CHST5: variants seen among roughly 807,000 people sequenced by gnomAD.
CHST5 encodes the protein GST4-alpha.
For synonymous variants in CHST5, 313 were observed against 279.2 expected (o/e 1.12, Z -1.21); for missense variants, 637 against 602.1 (o/e 1.06, Z -0.61).
chr16:75,530,085 G>A lies in CHST5; in HGVS notation c.300C>T (p.Thr100=), dbSNP rs149979505. 19 of 1,613,430 alleles carry A rather than the reference G, an allele frequency of 1.2e-5. No homozygotes were observed. The African/African-American group carries it at 2.0e-4, about 17-fold the overall frequency. ...YLMEPAWHVW[T]TLSQGSAATL... ...TTGCCGCGCTGCCCTGCGACAGGGT[G>A]GTCCACACATGCCACGCGGGCTCCA... Residue 100 remains threonine, a synonymous_variant, in exon 4 of 4, where the codon ACC becomes ACT. Transcript: ENST00000336257.
chr16:75,529,241 G>A lies in CHST5; in HGVS notation c.1144C>T (p.Pro382Ser). ...AGALQLLGYR[P>S]VYSADQQRDL... ...CGCTGCTGGTCCGCAGAGTACACAG[G>A]CCGGTAGCCCAGCAGCTGCAGCGCG... The change falls in exon 4 of 4, where the codon CCT becomes TCT. Residue 382 changes from proline to serine, a missense_variant. By Grantham distance (74) the Pro-to-Ser change is moderately conservative (BLOSUM62 -1). Transcript: ENST00000336257. 1 of 1,613,088 alleles carries A rather than the reference G, an allele frequency of 6.2e-7. No homozygotes were observed. The highest frequency in any genetic ancestry group is 8.5e-7 in the Non-Finnish European group (1 of 1,179,940).
At chr16:75,533,550 A>G (rs1314071568) in intron 2 of CHST5, among the ~76,000 whole-genome samples, 1 of 152,136 alleles carries the variant, frequency 6.6e-6, no homozygotes, top group Non-Finnish European at 1.5e-5. Context: ...CTGGGGGCAC[A>G]TATTTATTAC....
Position 75,530,709 on chromosome 16 carries a change from T to C in CHST5, c.-325A>G, listed in dbSNP as rs1207993406. On this transcript the variant is annotated 5_prime_UTR_variant, in exon 4 of 4. Transcript: ENST00000336257. ...TACCTCTTAGAGAGACCCTTTTAGG[T>C]TGTGGAGCTAAAAGGGCTTGATGGG... The C allele has an allele frequency of 8.1e-6, 9 of 1,116,838 alleles. No individual in the cohort carries two copies. The African/African-American group carries it at 1.5e-4, about 18-fold the overall frequency. The allele number at this position is 1,116,838 out of a possible 1,614,324, so 69.2% of individuals were successfully genotyped here.
chr16:75,529,766 A>G lies in CHST5; in HGVS notation c.619T>C (p.Tyr207His). The G allele has an allele frequency of 6.2e-7, 1 of 1,613,636 alleles. No homozygotes were observed. Among genetic ancestry groups the G allele is most frequent in the Middle Eastern group, 1.6e-4 (1 of 6,062 alleles). Residue 207 changes from tyrosine (Y) to histidine (H), a missense_variant, in exon 4 of 4, where the codon TAC becomes CAC. Coordinates refer to ENST00000336257, the MANE Select transcript of CHST5 (RefSeq NM_024533.5). ...AGCGCGGGGTCGCTGAGCAGCGGGT[A>G]GAGCACCTGCAGGTTGAAGAAGCGC... ...EVRFFNLQVL[Y>H]PLLSDPALNL...
chr16:75,529,298 T>C lies in CHST5; in HGVS notation c.1087A>G (p.Lys363Glu). The C allele has an allele frequency of 1.9e-6, 3 of 1,613,168 alleles. No individual in the cohort carries two copies. The highest frequency in any genetic ancestry group is 2.2e-5 in the South Asian group (2 of 91,060). The change falls in exon 4 of 4, where the codon AAG becomes GAG. Residue 363 changes from lysine (K) to glutamate (E), a missense_variant. Physicochemically the swap from Lys to Glu is moderately conservative, Grantham distance 56 (BLOSUM62 1). Transcript: ENST00000336257. ...QAWRHALPFT[K>E]ILRVQEVCAG... ...CACACCTCCTGCACGCGCAGGATCT[T>C]AGTGAAGGGCAACGCGTGGCGCCAG...
chr16:75,534,038 C>CAAAAAAAAAAAAAAA (rs35062691), intron 2 of CHST5, among the ~76,000 whole-genome samples: 1 of 81,252 alleles, frequency 1.2e-5, no homozygotes, highest in African/African-American at 4.1e-5. Flanking sequence ...AACTCCATAT[C>CAAAAAAAAAAAAAAA]AAAAAAAAAA....
chr16:75,531,419 G>T lies in CHST5; in HGVS notation c.-1035C>A. ...AACAGCAACTGTTGTCATCACTGGT[G>T]GGGAGTGAAGTGCTGTAGGCAGCAT... On this transcript the variant is annotated 5_prime_UTR_variant, in exon 4 of 4. Transcript: ENST00000336257. 8.5e-7 allele frequency: 1 copy of T among 1,169,748 alleles called. No homozygotes were observed. The highest frequency in any genetic ancestry group is 1.1e-6 in the Non-Finnish European group (1 of 921,552). The allele number at this position is 1,169,748 out of a possible 1,614,324, so 72.5% of individuals were successfully genotyped here.
rs2080535748 is a variant in CHST5, at chr16:75,532,965, C to T, written c.-1257+124G>A. 18 of 562,388 alleles carry T rather than the reference C, an allele frequency of 3.2e-5. 1 individual carries two copies. The South Asian group carries it at 4.2e-4, about 13-fold the overall frequency. The allele number at this position is 562,388 out of a possible 1,614,324, so 34.8% of individuals were successfully genotyped here. The stretch of plus-strand genomic sequence containing the variant: ...CTGATCCCAGGCTGTGGGCCTCTCC[C>T]ACCTGTGATTGCCCCCTGCAGAGTG... On this transcript the variant is annotated intron_variant, in intron 3 of 3. Coordinates refer to ENST00000336257, the MANE Select transcript of CHST5 (RefSeq NM_024533.5).
At position 75,529,291 on chromosome 16, in the gene CHST5, A is replaced by G; in HGVS notation, c.1094T>C (p.Leu365Pro). 1 of 1,613,204 alleles carries G rather than the reference A, an allele frequency of 6.2e-7. No individual in the cohort carries two copies. The highest frequency in any genetic ancestry group is 8.5e-7 in the Non-Finnish European group (1 of 1,179,918). The change falls in exon 4 of 4, where the codon CTG becomes CCG. Residue 365 changes from leucine to proline, a missense_variant. Leu to Pro is a moderately conservative substitution (Grantham distance 98). Transcript: ENST00000336257. Reference sequence around the variant, plus strand: ...GCCGGCGCACACCTCCTGCACGCGCAGGATCTTAGTGAAGGGCAACGCGTG... The same window carrying G: ...GCCGGCGCACACCTCCTGCACGCGCGGGATCTTAGTGAAGGGCAACGCGTG... ...WRHALPFTKI[L>P]RVQEVCAGAL...
chr16:75,528,741 T>G lies in CHST5; in HGVS notation c.*408A>C. 1 of 159,182 alleles carries G rather than the reference T, an allele frequency of 6.3e-6. No individual in the cohort carries two copies. The highest frequency in any genetic ancestry group is 1.4e-5 in the Non-Finnish European group (1 of 72,594). 9.9% of individuals were successfully genotyped at this position (159,182 alleles called of 1,614,324 possible). On this transcript the variant is annotated 3_prime_UTR_variant, in exon 4 of 4. Coordinates refer to ENST00000336257, the MANE Select transcript of CHST5 (RefSeq NM_024533.5). ...TTTTGCATTTTTAGTAGAGAGGGGG[T>G]TTCACTATGTTGGCCAGGCTGGTTT...
chr16:75,531,362 T>TA lies in CHST5; in HGVS notation c.-979dup, dbSNP rs1422964994. On this transcript the variant is annotated 5_prime_UTR_variant, in exon 4 of 4. It removes the in-frame stop codon of an upstream open reading frame in the 5' UTR. Coordinates refer to ENST00000336257, the MANE Select transcript of CHST5 (RefSeq NM_024533.5). ...ACAACAAAAAAAAAACTTTTGTCATTAAAGATAAACAAGTAAATAAAGTGG... is the reference window on the plus strand; with the variant it reads ...ACAACAAAAAAAAAACTTTTGTCATTAAAAGATAAACAAGTAAATAAAGTGG... 1 of 1,045,244 alleles carries TA rather than the reference T, an allele frequency of 9.6e-7. No homozygotes were observed. 64.7% of individuals were successfully genotyped at this position (1,045,244 alleles called of 1,614,324 possible).
rs369009754 is a variant in CHST5 at position 75,529,659 on chromosome 16, G to A, written c.726C>T (p.Arg242=). 80 of 1,610,772 alleles carry A rather than the reference G, an allele frequency of 5.0e-5. 1 individual carries two copies. The highest frequency in any genetic ancestry group is 1.6e-4 in the Middle Eastern group (1 of 6,078). Residue 242 remains arginine, a synonymous_variant, in exon 4 of 4, where the codon CGC becomes CGT. Transcript: ENST00000336257. Reference sequence around the variant, plus strand: ...TGGTGCCCAGCACGATGCCGTTGTCGCGTGCCAGTATCGGGCCCGCCGCCT... The same window carrying A: ...TGGTGCCCAGCACGATGCCGTTGTCACGTGCCAGTATCGGGCCCGCCGCCT... The part of the protein sequence containing the change: ...SREAAGPILA[R]DNGIVLGTNG...
Position 75,531,514 on chromosome 16 carries a change from T to C in CHST5, c.-1130A>G. 7.7e-7 allele frequency: 1 copy of C among 1,299,806 alleles called. No individual in the cohort carries two copies. The highest frequency in any genetic ancestry group is 1.0e-6 in the Non-Finnish European group (1 of 986,976). The allele number at this position is 1,299,806 out of a possible 1,614,324, so 80.5% of individuals were successfully genotyped here. A position where few individuals can be genotyped will look rare whatever the true frequency, so the allele number is the denominator to read the frequency against. On this transcript the variant is annotated 5_prime_UTR_variant, in exon 4 of 4. Coordinates refer to ENST00000336257, the MANE Select transcript of CHST5 (RefSeq NM_024533.5). ...AAGATCAGTTGATGGGGAGCTGGGA[T>C]GGAGCCCAAGAAGCAGAGAGGTGAG...
intron 3 of CHST5, 71 bp from the exon 4 acceptor site, chr16:75,531,711 G>T: frequency 8.7e-7 from 1 of 1,143,892 alleles, no homozygotes; most frequent in Non-Finnish European, 1.2e-6. Context: ...AAGCTCCCCA[G>T]GGTGGGAACA....
chr16:75,530,564 G>A lies in CHST5; in HGVS notation c.-180C>T. On this transcript the variant is annotated 5_prime_UTR_variant, in exon 4 of 4. Coordinates refer to ENST00000336257, the MANE Select transcript of CHST5 (RefSeq NM_024533.5). ...AGCAGAAGTCCAGTTGCAGAATAATGTGGGATATCATCAAACTGTCTACCT... is the reference window on the plus strand; with the variant it reads ...AGCAGAAGTCCAGTTGCAGAATAATATGGGATATCATCAAACTGTCTACCT... The A allele has an allele frequency of 7.0e-7, 1 of 1,434,320 alleles. No individual in the cohort carries two copies. The highest frequency in any genetic ancestry group is 9.2e-7 in the Non-Finnish European group (1 of 1,092,492). The allele number at this position is 1,434,320 out of a possible 1,614,324, so 88.8% of individuals were successfully genotyped here.
chr16:75,534,227 C>T (rs186570941), intron 2 of CHST5, among the ~76,000 whole-genome samples: 155 of 150,694 alleles, frequency 1.0e-3, no homozygotes, highest in Non-Finnish European at 1.5e-3. Context: ...ATCCCAGCTA[C>T]TCGGGAGGCT....
chr16:75,530,165 C>T lies in CHST5; in HGVS notation c.220G>A (p.Gly74Ser). The change falls in exon 4 of 4, where the codon GGC becomes AGC. Residue 74 changes from glycine to serine, a missense_variant. Physicochemically the swap from Gly to Ser is moderately conservative, Grantham distance 56 (BLOSUM62 0). Transcript: ENST00000336257. ...AAGAGCTGGCCCAAGAAGGATGAGC[C>T]CGAGCGCCACGAGGACAGCACCAGC... The part of the protein sequence containing the change: ...HVLVLSSWRS[G>S]SSFLGQLFSQ... 6.2e-7 allele frequency: 1 copy of T among 1,613,598 alleles called. No homozygotes were observed. Among genetic ancestry groups the T allele is most frequent in the Non-Finnish European group, 8.5e-7 (1 of 1,179,976 alleles).
At position 75,530,076 on chromosome 16, in the gene CHST5, C is replaced by A. The variant is rs139328536; in HGVS notation, c.309G>T (p.Ser103=). The A allele has an allele frequency of 7.4e-6, 12 of 1,613,244 alleles. No individual in the cohort carries two copies. Among genetic ancestry groups the A allele is most frequent in the Middle Eastern group, 1.6e-4 (1 of 6,084 alleles). ...EPAWHVWTTL[S]QGSAATLHMA... ...TGTGCAGCGTTGCCGCGCTGCCCTG[C>A]GACAGGGTGGTCCACACATGCCACG... The change falls in exon 4 of 4, where the codon TCG becomes TCT. Residue 103 remains serine, a synonymous_variant. Coordinates refer to ENST00000336257, the MANE Select transcript of CHST5 (RefSeq NM_024533.5).
At chr16:75,531,672 C>T (rs780246984) in intron 3 of CHST5, 32 bp from the exon 4 acceptor site, 6 of 1,298,384 alleles carry the variant, frequency 4.6e-6, no homozygotes, top group Non-Finnish European at 6.1e-6. Flanking sequence ...GAGATCAGAG[C>T]CCTACAGAGA....
Sources: allele counts gnomAD v4.1 joint callset (sites outside exome capture counted in the v4.1 genomes callset), GRCh38; gene constraint gnomAD v4.1.1; transcripts MANE v1.5; gene names NCBI Gene and HGNC (gene_info 2026-07-23, HGNC 2026-07-21).